Variants in IMPG1 observed in about 807,000 individuals in gnomAD.
IMPG1 encodes the protein interphotoreceptor matrix proteoglycan 1.
Under a neutral mutation model 92.0 loss-of-function variants are expected in IMPG1, and 85 were observed. The observed-to-expected ratio is 0.92, with a 90% CI of 0.78 to 1.11. The LOEUF is 1.11. Among genes scored for constraint, IMPG1 ranks in the 50% least tolerant of loss-of-function variants. The pLI is 0.00. For missense variants in IMPG1, 1,022 were observed against 956.0 expected, an observed-to-expected ratio of 1.07 and a Z score of -0.91; for synonymous variants, 367 against 334.1, an observed-to-expected ratio of 1.10 and a Z score of -1.08.
Position 75,923,659 on chromosome 6 carries a change from T to C in IMPG1, c.2291A>G (p.Lys764Arg). The change falls in exon 16 of 17, where the codon AAG (lysine) becomes AGG (arginine). Residue 764 changes from lysine to arginine, a missense_variant. Transcript: ENST00000369950. Reference protein sequence around the residue: ...ENQAYKTSVKKFQNQQNNKVI... With the variant: ...ENQAYKTSVKRFQNQQNNKVI... ...CTTGTTATTTTGTTGATTTTGGAACTTTTTAACACTAGTTTTGTATGCTTG... is the reference window on the plus strand; with the variant it reads ...CTTGTTATTTTGTTGATTTTGGAACCTTTTAACACTAGTTTTGTATGCTTG... 1 of 1,588,996 alleles carries C rather than the reference T, an allele frequency of 6.3e-7. No homozygotes were observed. The highest frequency in any genetic ancestry group is 8.6e-7 in the Non-Finnish European group (1 of 1,158,658).
At chr6:76,009,240 C>T (rs1783145794) in intron 8 of IMPG1, among the ~76,000 whole-genome samples, 1 of 152,198 alleles carries the variant, frequency 6.6e-6, no homozygotes, top group Non-Finnish European at 1.5e-5. Flanking sequence ...TCCACCTTTG[C>T]TGAGAGATAA....
chr6:76,003,090 T>A lies in IMPG1; in HGVS notation c.1213-94A>T, dbSNP rs545137699. 4 of 855,254 alleles carry A rather than the reference T, an allele frequency of 4.7e-6. No homozygotes were observed. The East Asian group carries it at 7.7e-5, about 16-fold the overall frequency. The allele number at this position is 855,254 out of a possible 1,614,324, so 53.0% of individuals were successfully genotyped here. On this transcript the variant is annotated intron_variant, in intron 11 of 16. Coordinates refer to ENST00000369950, the MANE Select transcript of IMPG1 (RefSeq NM_001563.4). ...CCATATTTCAAAATTTTCATTTAAA[T>A]TTAGGCAAACTATTTTGTTGTTGAC...
Position 76,041,980 on chromosome 6 carries a change from C to A in IMPG1, c.214G>T (p.Ala72Ser), listed in dbSNP as rs769499134. The A allele has an allele frequency of 1.2e-6, 2 of 1,613,894 alleles. No homozygotes were observed. Among genetic ancestry groups the A allele is most frequent in the Non-Finnish European group, 1.7e-6 (2 of 1,179,852 alleles). Residue 72 changes from alanine to serine, a missense_variant, in exon 2 of 17, where the codon GCA becomes TCA. Around this residue, in one of 3 missense-constraint regions of IMPG1, gnomAD observed 681 missense variants for 583.6 expected, o/e 1.17. Transcript: ENST00000369950. Reference protein sequence around the residue: ...DLAKHRTKRSAFFPTGVKVCP... With the variant: ...DLAKHRTKRSSFFPTGVKVCP... ...ACTTTAACCCCCGTTGGGAAAAATG[C>A]GGATCTTTTTGTTCGATGCTTTGCC...
rs758680444 is a variant in IMPG1 at position 76,005,347 on chromosome 6, T to C, written c.1075A>G (p.Ile359Val). ...TGTTCTTCCTCTAGTGCTTTGCTGA[T>C]CAGCCTTTTGAGGTCTGTAGCTGTG... ...YLTATDLKRL[I>V]SKALEEEQSL... Residue 359 changes from isoleucine to valine, a missense_variant, in exon 10 of 17, where the codon ATC becomes GTC. Coordinates refer to ENST00000369950, the MANE Select transcript of IMPG1 (RefSeq NM_001563.4). 29 of 1,613,944 alleles carry C rather than the reference T, an allele frequency of 1.8e-5. No individual in the cohort carries two copies. The South Asian group carries it at 2.7e-4, about 15-fold the overall frequency.
intron 4 of IMPG1, among the ~76,000 whole-genome samples, chr6:76,033,896 T>A (rs77264690): frequency 0.013 from 1,944 of 152,236 alleles, 45 homozygotes; most frequent in African/African-American, 0.044. Context: ...AGTTTCAGAG[T>A]TATTAACACT....
intron 7 of IMPG1, among the ~76,000 whole-genome samples, chr6:76,015,587 G>A (rs943706919): frequency 6.6e-6 from 1 of 151,772 alleles, no homozygotes; most frequent in Non-Finnish European, 1.5e-5. Flanking sequence ...GATCACCTGA[G>A]GTCAGGAGTT....
At chr6:76,057,929 G>T (rs1343903882) in intron 1 of IMPG1, among the ~76,000 whole-genome samples, 4 of 151,856 alleles carry the variant, frequency 2.6e-5, no homozygotes, top group Admixed American at 2.6e-4. Flanking sequence ...TAATCATTTA[G>T]ATTGTTTCTA....
intron 2 of IMPG1, among the ~76,000 whole-genome samples, chr6:76,036,828 C>T (rs549449441): frequency 1.2e-3 from 27 of 22,590 alleles, no homozygotes; most frequent in Admixed American, 0.011. Flanking sequence ...GAGAAAGATC[C>T]AATTCTAGTT....
At chr6:76,031,768 A>G (rs1471880967) in intron 4 of IMPG1, among the ~76,000 whole-genome samples, 1 of 152,246 alleles carries the variant, frequency 6.6e-6, no homozygotes, top group Non-Finnish European at 1.5e-5. Context: ...GCTGTAAAAA[A>G]AAGTAACCAA....
At chr6:75,960,042 G>A (rs1272210482) in intron 12 of IMPG1, among the ~76,000 whole-genome samples, 1 of 152,182 alleles carries the variant, frequency 6.6e-6, no homozygotes, top group Non-Finnish European at 1.5e-5. Context: ...GAAGACCATG[G>A]GAAAAGCGTA....
At chr6:75,955,287 C>T (rs1782098604) in intron 12 of IMPG1, among the ~76,000 whole-genome samples, 1 of 152,038 alleles carries the variant, frequency 6.6e-6, no homozygotes, top group South Asian at 2.1e-4. Context: ...CTCTTATTTC[C>T]TTGAGCAGTG....
chr6:76,038,937 T>G (rs190191224), intron 2 of IMPG1, among the ~76,000 whole-genome samples: 16 of 152,342 alleles, frequency 1.1e-4, no homozygotes, highest in African/African-American at 3.4e-4. Context: ...AGACCAATGG[T>G]ATGTGAAAAT....
chr6:76,070,688 C>G (rs931533975), intron 1 of IMPG1, among the ~76,000 whole-genome samples: 1 of 152,068 alleles, frequency 6.6e-6, no homozygotes, highest in African/African-American at 2.4e-5. Context: ...CTGGAGGCTG[C>G]TCTCTTAAGT....
chr6:75,930,662 G>A (rs1781648964), intron 15 of IMPG1, among the ~76,000 whole-genome samples: 1 of 152,042 alleles, frequency 6.6e-6, no homozygotes, highest in Non-Finnish European at 1.5e-5. Flanking sequence ...CTTCCCTATT[G>A]GTCTTAAGGA....
intron 6 of IMPG1, among the ~76,000 whole-genome samples, chr6:76,019,141 A>G (rs1204954930): frequency 1.3e-5 from 2 of 152,164 alleles, no homozygotes; most frequent in Non-Finnish European, 2.9e-5. Context: ...CCACCTTTGG[A>G]AGCAGGTGGC....
intron 12 of IMPG1, among the ~76,000 whole-genome samples, chr6:76,000,158 TAAG>T (rs1388526292): frequency 6.6e-6 from 1 of 152,256 alleles, no homozygotes; most frequent in Non-Finnish European, 1.5e-5. Flanking sequence ...CACAGCCTGT[TAAG>T]AAGCTCAGAG....
chr6:76,039,315 C>A (rs370705982), intron 2 of IMPG1, among the ~76,000 whole-genome samples: 1 of 151,306 alleles, frequency 6.6e-6, no homozygotes, highest in African/African-American at 2.4e-5. Flanking sequence ...CATCTTTAAC[C>A]TTCTCTAAGG....
At chr6:75,948,407 C>T (rs1038901701) in intron 13 of IMPG1, among the ~76,000 whole-genome samples, 1 of 152,116 alleles carries the variant, frequency 6.6e-6, no homozygotes, top group African/African-American at 2.4e-5. Context: ...ACCCAGAAAG[C>T]ATAGAGATGC....
At chr6:76,034,452 G>C in intron 3 of IMPG1, 109 bp from the exon 4 acceptor site, 1 of 1,223,956 alleles carries the variant, frequency 8.2e-7, no homozygotes, top group Non-Finnish European at 1.2e-6. Flanking sequence ...CAACCTGACT[G>C]TACCATATTA....
Sources: gnomAD v4.1 joint callset for allele counts (sites outside exome capture counted in the v4.1 genomes callset) on GRCh38, gnomAD v4.1.1 for gene constraint, gnomAD v4.1.1 regional missense constraint, MANE v1.5 for transcripts, NCBI Gene and HGNC (gene_info 2026-07-23, HGNC 2026-07-21) for gene names.